Variants in RBFOX1 observed in about 807,000 individuals in gnomAD.
RBFOX1 encodes RNA binding fox-1 homolog 1, also known as RNA binding protein fox-1 homolog 1.
Under a neutral mutation model 57.7 loss-of-function variants are expected in RBFOX1, and 8 were observed. That is an observed-to-expected ratio of 0.14 (90% confidence interval 0.08 to 0.25). RBFOX1 has a LOEUF of 0.25. Ranked by LOEUF, RBFOX1 falls within the 10% of genes least tolerant of loss-of-function variation. The pLI is 1.00. For missense variants in RBFOX1, 611 were observed against 548.5 expected, an observed-to-expected ratio of 1.11 and a Z score of -1.14; for synonymous variants, 326 against 222.4, an observed-to-expected ratio of 1.47 and a Z score of -4.15.
chr16:6,311,770 C>G (rs1431860451), intron 1 of RBFOX1, among the ~76,000 whole-genome samples: 1 of 152,114 alleles, frequency 6.6e-6, no homozygotes, highest in Non-Finnish European at 1.5e-5. Context: ...TCACTGGATT[C>G]CCATGGGGAG....
chr16:5,707,643 G>A (rs1047227782), intron 3 of RBFOX1, among the ~76,000 whole-genome samples: 1 of 152,168 alleles, frequency 6.6e-6, no homozygotes, highest in East Asian at 1.9e-4. Flanking sequence ...ATCACGTGTG[G>A]CTATGAGGTT....
At chr16:6,444,983 G>A (rs1365781775) in intron 2 of RBFOX1, among the ~76,000 whole-genome samples, 1 of 152,072 alleles carries the variant, frequency 6.6e-6, no homozygotes, top group African/African-American at 2.4e-5. Flanking sequence ...GGAGGGGAGG[G>A]TGGCAGAAGT....
At chr16:5,917,262 C>T (rs1396741891) in intron 4 of RBFOX1, among the ~76,000 whole-genome samples, 1 of 152,086 alleles carries the variant, frequency 6.6e-6, no homozygotes, top group Non-Finnish European at 1.5e-5. Context: ...TAAAACATGC[C>T]CATGGAAGCG....
intron 3 of RBFOX1, among the ~76,000 whole-genome samples, chr16:6,999,256 C>A (rs1432145391): frequency 8.0e-6 from 1 of 125,064 alleles, no homozygotes; most frequent in African/African-American, 3.0e-5. Context: ...TCAGGTCTCA[C>A]TTGTTGATCA....
chr16:7,438,736 G>C (rs551474963), intron 4 of RBFOX1, among the ~76,000 whole-genome samples: 1 of 152,166 alleles, frequency 6.6e-6, no homozygotes, highest in Non-Finnish European at 1.5e-5. Context: ...TTGAGCTGAG[G>C]CTATGGTTCA....
intron 4 of RBFOX1, among the ~76,000 whole-genome samples, chr16:7,347,413 G>A (rs1156958602): frequency 6.6e-6 from 1 of 152,140 alleles, no homozygotes; most frequent in Non-Finnish European, 1.5e-5. Flanking sequence ...CAGGTTTCAT[G>A]AGACTTGTTC....
chr16:5,860,715 G>A lies in RBFOX1; in HGVS notation c.319-6588G>A, dbSNP rs867690587. On this transcript the variant is annotated intron_variant, in intron 3 of 19. Coordinates refer to the RBFOX1 transcript ENST00000641259. The stretch of plus-strand genomic sequence containing the variant: ...TGTCCACTAGTCTATATAAGCAGAA[G>A]ATCAGAGAGGATTCAAGAAGAGAGA... Among the ~76,000 whole-genome samples, 6 of 152,264 alleles carry A rather than the reference G, an allele frequency of 3.9e-5. 1 individual carries two copies. The South Asian group carries it at 1.2e-3, about 32-fold the overall frequency.
chr16:6,688,274 C>G (rs1365880281), intron 3 of RBFOX1, among the ~76,000 whole-genome samples: 2 of 152,032 alleles, frequency 1.3e-5, no homozygotes, highest in African/African-American at 4.8e-5. Flanking sequence ...TAAACAACCA[C>G]ATCTCATGAG....
At chr16:5,640,463 C>G (rs992774721) in intron 3 of RBFOX1, among the ~76,000 whole-genome samples, 1 of 151,788 alleles carries the variant, frequency 6.6e-6, no homozygotes, top group Non-Finnish European at 1.5e-5. Context: ...CACAGGCACA[C>G]ACACATGTAC....
At chr16:6,781,125 A>G (rs1326602947) in intron 3 of RBFOX1, among the ~76,000 whole-genome samples, 1 of 152,168 alleles carries the variant, frequency 6.6e-6, no homozygotes, top group Non-Finnish European at 1.5e-5. Context: ...TCATTGGTCC[A>G]GGTCTTACAT....
chr16:7,279,483 C>T (rs951971671), intron 4 of RBFOX1, among the ~76,000 whole-genome samples: 19 of 152,308 alleles, frequency 1.2e-4, no homozygotes, highest in Admixed American at 1.2e-3. Flanking sequence ...CTGAGCGCAG[C>T]GTCCAGGTTG....
intron 1 of RBFOX1, among the ~76,000 whole-genome samples, chr16:6,073,931 C>A (rs921125393): frequency 6.6e-6 from 1 of 152,016 alleles, no homozygotes; most frequent in Non-Finnish European, 1.5e-5. Flanking sequence ...GATCCAGGAG[C>A]TCACATCAGT....
At chr16:6,931,582 A>C (rs981662161) in intron 3 of RBFOX1, among the ~76,000 whole-genome samples, 1 of 152,074 alleles carries the variant, frequency 6.6e-6, no homozygotes, top group Admixed American at 6.6e-5. Context: ...GCCACCCTAC[A>C]ATGGACAACA....
chr16:6,724,608 T>C (rs904726082), intron 3 of RBFOX1, among the ~76,000 whole-genome samples: 5 of 152,256 alleles, frequency 3.3e-5, no homozygotes, highest in Admixed American at 3.3e-4. Context: ...AGAAAATAAA[T>C]TTCTGTTATT....
chr16:7,179,112 C>T (rs553308271), intron 4 of RBFOX1, among the ~76,000 whole-genome samples: 2 of 151,990 alleles, frequency 1.3e-5, no homozygotes, highest in Non-Finnish European at 2.9e-5. Context: ...TGGTCAGATC[C>T]CAGATTACTC....
chr16:6,751,986 C>T (rs966803605), intron 3 of RBFOX1, among the ~76,000 whole-genome samples: 1 of 152,124 alleles, frequency 6.6e-6, no homozygotes, highest in East Asian at 1.9e-4. Flanking sequence ...AAATCAAGCA[C>T]TTTAATAGGA....
intron 4 of RBFOX1, among the ~76,000 whole-genome samples, chr16:7,331,455 A>C (rs1268005093): frequency 2.0e-5 from 3 of 152,160 alleles, no homozygotes; most frequent in Non-Finnish European, 4.4e-5. Context: ...ACACACACCC[A>C]CATGTCTTTC....
chr16:7,304,475 A>C, intron 4 of RBFOX1: 1 of 985,156 alleles, frequency 1.0e-6, no homozygotes, highest in Non-Finnish European at 1.2e-6. Context: ...ACTTTTATGT[A>C]CTTACAGCAG....
intron 2 of RBFOX1, among the ~76,000 whole-genome samples, chr16:6,491,098 A>G (rs2153133381): frequency 6.6e-6 from 1 of 152,188 alleles, no homozygotes; most frequent in South Asian, 2.1e-4. Context: ...TTTAAATTAT[A>G]CGTGTATATA....
Sources: allele counts gnomAD v4.1 joint callset (sites outside exome capture counted in the v4.1 genomes callset), GRCh38; gene constraint gnomAD v4.1.1; transcripts MANE v1.5; gene names NCBI Gene and HGNC (gene_info 2026-07-23, HGNC 2026-07-21).